Variants in SLC24A2 observed in about 807,000 individuals in gnomAD.
The protein encoded by SLC24A2 is solute carrier family 24 member 2.
In SLC24A2, 36 loss-of-function variants were observed where a neutral mutation model predicts 62.0. The ratio of observed to expected loss-of-function variants is 0.58; its 90% CI spans 0.44 to 0.77. The LOEUF (loss-of-function observed/expected upper bound fraction) is 0.77, where lower values mean the gene tolerates loss of function less well. SLC24A2 is among the 30% of genes least tolerant of loss of function. SLC24A2 has a pLI of 0.00. For synonymous variants in SLC24A2, 358 were observed against 294.0 expected (o/e 1.22, Z -2.23); for missense variants, 846 against 817.9 (o/e 1.03, Z -0.42).
the SLC24A2 span, among the ~76,000 whole-genome samples, chr9:20,090,359 C>G: frequency 6.6e-6 from 1 of 152,168 alleles, no homozygotes; most frequent in Non-Finnish European, 1.5e-5. Flanking sequence ...TGAGATCACC[C>G]CAGAGCTGTC....
chr9:20,131,498 C>T, the SLC24A2 span, among the ~76,000 whole-genome samples: 5 of 152,022 alleles, frequency 3.3e-5, no homozygotes, highest in Non-Finnish European at 7.4e-5. Flanking sequence ...AGGAAGATGC[C>T]CCACACAGAT....
At chr9:20,014,380 A>G in the SLC24A2 span, among the ~76,000 whole-genome samples, 4 of 151,998 alleles carry the variant, frequency 2.6e-5, no homozygotes, top group Admixed American at 6.6e-5. Flanking sequence ...TTCTGGGTAT[A>G]TACCCAGAGG....
the SLC24A2 span, among the ~76,000 whole-genome samples, chr9:20,189,136 T>A: frequency 6.6e-6 from 1 of 151,700 alleles, no homozygotes; most frequent in Non-Finnish European, 1.5e-5. Context: ...AAAACATGCT[T>A]CCTTCGGGAT....
At chr9:20,071,790 G>C in the SLC24A2 span, among the ~76,000 whole-genome samples, 9 of 152,086 alleles carry the variant, frequency 5.9e-5, no homozygotes, top group African/African-American at 2.2e-4. Context: ...TGCTGCAGTC[G>C]CAAGTCTGGG....
chr9:19,860,248 T>G, the SLC24A2 span, among the ~76,000 whole-genome samples: 4 of 152,142 alleles, frequency 2.6e-5, no homozygotes, highest in East Asian at 5.8e-4. Flanking sequence ...ACATCTTGGA[T>G]ACCAGTTCAG....
At chr9:19,604,564 C>T (rs778992504) in intron 4 of SLC24A2, among the ~76,000 whole-genome samples, 2 of 152,112 alleles carry the variant, frequency 1.3e-5, no homozygotes, top group South Asian at 2.1e-4. Flanking sequence ...AGTTTCTACC[C>T]TCTGGTGCAT....
chr9:19,993,687 A>G, the SLC24A2 span, among the ~76,000 whole-genome samples: 2 of 152,124 alleles, frequency 1.3e-5, no homozygotes, highest in Non-Finnish European at 2.9e-5. Context: ...GTTCTACCCC[A>G]TCTTGGTCTG....
At chr9:20,122,147 A>C in the SLC24A2 span, among the ~76,000 whole-genome samples, 1 of 152,214 alleles carries the variant, frequency 6.6e-6, no homozygotes, top group Non-Finnish European at 1.5e-5. Flanking sequence ...CTTGTTCACA[A>C]GTTACAAGAA....
chr9:19,754,001 A>T (rs1822059102), intron 2 of SLC24A2, among the ~76,000 whole-genome samples: 2 of 152,220 alleles, frequency 1.3e-5, no homozygotes, highest in Non-Finnish European at 2.9e-5. Context: ...ATGACTGATT[A>T]CATATTTGAA....
the SLC24A2 span, among the ~76,000 whole-genome samples, chr9:20,146,455 A>G: frequency 1.3e-5 from 2 of 152,220 alleles, 1 homozygote; most frequent in South Asian, 4.1e-4. Flanking sequence ...AATTCCTGTA[A>G]CTTATTCTGA....
chr9:19,819,443 T>C, the SLC24A2 span, among the ~76,000 whole-genome samples: 2 of 152,104 alleles, frequency 1.3e-5, no homozygotes, highest in Non-Finnish European at 2.9e-5. Context: ...CTTCACAATC[T>C]ATACATCTGA....
At chr9:19,751,858 C>G (rs1821995670) in intron 2 of SLC24A2, among the ~76,000 whole-genome samples, 1 of 152,110 alleles carries the variant, frequency 6.6e-6, no homozygotes, top group Non-Finnish European at 1.5e-5. Flanking sequence ...GTGCACTTTA[C>G]CAAGAGATAG....
chr9:19,884,419 G>A, the SLC24A2 span, among the ~76,000 whole-genome samples: 2 of 152,078 alleles, frequency 1.3e-5, no homozygotes, highest in African/African-American at 4.8e-5. Flanking sequence ...TCACTCTTCT[G>A]AACACTGTTG....
At chr9:20,066,253 A>G in the SLC24A2 span, among the ~76,000 whole-genome samples, 1 of 152,242 alleles carries the variant, frequency 6.6e-6, no homozygotes, top group Non-Finnish European at 1.5e-5. Flanking sequence ...AGGCATTTAT[A>G]GCACTGCGGT....
chr9:19,660,773 AC>A (rs1342344911), intron 2 of SLC24A2, among the ~76,000 whole-genome samples: 2 of 151,952 alleles, frequency 1.3e-5, no homozygotes, highest in African/African-American at 2.4e-5. Context: ...CACAACCAAC[AC>A]CCCCAGCTTT....
chr9:19,527,695 C>T (rs185742953), intron 9 of SLC24A2, among the ~76,000 whole-genome samples: 6 of 152,232 alleles, frequency 3.9e-5, no homozygotes, highest in Admixed American at 2.6e-4. Flanking sequence ...CTGGTGAGAA[C>T]GTGAGGTGAG....
chr9:20,002,688 A>G, the SLC24A2 span, among the ~76,000 whole-genome samples: 1 of 152,184 alleles, frequency 6.6e-6, no homozygotes, highest in African/African-American at 2.4e-5. Context: ...TGGTGCACTC[A>G]CAGTGACTGT....
chr9:19,568,737 C>A (rs1164576261), intron 7 of SLC24A2, among the ~76,000 whole-genome samples: 1 of 152,134 alleles, frequency 6.6e-6, no homozygotes, highest in African/African-American at 2.4e-5. Flanking sequence ...TTCATTTAAC[C>A]CATTATTATT....
chr9:19,976,955 A>G, the SLC24A2 span, among the ~76,000 whole-genome samples: 2 of 152,336 alleles, frequency 1.3e-5, no homozygotes, highest in African/African-American at 2.4e-5. Context: ...CATAGTGAAC[A>G]TATTTTAAAA....
Sources: gnomAD v4.1 joint callset for allele counts (sites outside exome capture counted in the v4.1 genomes callset) on GRCh38, gnomAD v4.1.1 for gene constraint, MANE v1.5 for transcripts, NCBI Gene and HGNC (gene_info 2026-07-23, HGNC 2026-07-21) for gene names.